Variants in UBE2G1 observed in about 807,000 individuals in gnomAD.
The protein encoded by UBE2G1 is ubiquitin conjugating enzyme E2 G1.
UBE2G1 carries 5 observed loss-of-function variants against 22.7 expected under a neutral mutation model. That is an observed-to-expected ratio of 0.22 (90% CI 0.12 to 0.46). The LOEUF (loss-of-function observed/expected upper bound fraction) is 0.46, where lower values mean the gene tolerates loss of function less well. UBE2G1 is among the 20% of genes least tolerant of loss of function. The pLI is 0.99. For missense variants in UBE2G1, 88 were observed against 203.9 expected (o/e 0.43, Z 3.46); for synonymous variants, 74 against 67.5 (o/e 1.10, Z -0.47).
chr17:4,348,426 G>A (rs905454017), intron 1 of UBE2G1, among the ~76,000 whole-genome samples: 7 of 149,012 alleles, frequency 4.7e-5, no homozygotes, highest in South Asian at 4.3e-4. Flanking sequence ...AGTGGCGGGC[G>A]CCTGTAGTCC....
intron 1 of UBE2G1, among the ~76,000 whole-genome samples, chr17:4,314,413 T>C (rs777899284): frequency 6.6e-6 from 1 of 152,194 alleles, no homozygotes; most frequent in Non-Finnish European, 1.5e-5. Flanking sequence ...TTTAAATCCA[T>C]GAGTTTATAA....
At chr17:4,289,685 A>G (rs1202464298) in intron 3 of UBE2G1, among the ~76,000 whole-genome samples, 1 of 152,234 alleles carries the variant, frequency 6.6e-6, no homozygotes, top group Admixed American at 6.5e-5. Context: ...GATGGTGCCT[A>G]ACATTTACAT....
At chr17:4,333,227 G>C (rs957656344) in intron 1 of UBE2G1, among the ~76,000 whole-genome samples, 1 of 152,172 alleles carries the variant, frequency 6.6e-6, no homozygotes, top group Non-Finnish European at 1.5e-5. Flanking sequence ...TATTGAGTAA[G>C]TTGCTGGCAT....
intron 1 of UBE2G1, among the ~76,000 whole-genome samples, chr17:4,364,769 CG>C (rs1428414328): frequency 2.0e-5 from 3 of 151,016 alleles, no homozygotes; most frequent in Non-Finnish European, 4.4e-5. Flanking sequence ...TTAGTAGTGA[CG>C]GGGGTTTCAC....
intron 4 of UBE2G1, among the ~76,000 whole-genome samples, chr17:4,287,992 A>C (rs1968987906): frequency 6.6e-6 from 1 of 152,194 alleles, no homozygotes; most frequent in Non-Finnish European, 1.5e-5. Flanking sequence ...TTAACGACAG[A>C]CTTGTACTGT....
Position 4,270,383 on chromosome 17 carries a change from A to G in UBE2G1, c.*2171T>C, listed in dbSNP as rs1445701037. The G allele has an allele frequency of 6.6e-6, 1 of 152,202 alleles. No individual in the cohort carries two copies. The highest frequency in any genetic ancestry group is 6.5e-5 in the Admixed American group (1 of 15,272). The allele number at this position is 152,202 out of a possible 1,614,324, so 9.4% of individuals were successfully genotyped here. A position where few individuals can be genotyped will look rare whatever the true frequency, so the allele number is the denominator to read the frequency against. ...TTAAAAGGGAGGGATCCCATCTCTTAAAAGAATTTTTTTGTATTAGCCAGG... is the reference window on the plus strand; with the variant it reads ...TTAAAAGGGAGGGATCCCATCTCTTGAAAGAATTTTTTTGTATTAGCCAGG... On this transcript the variant is annotated 3_prime_UTR_variant, in exon 6 of 6. Coordinates refer to ENST00000396981, the MANE Select transcript of UBE2G1 (RefSeq NM_003342.5).
At chr17:4,302,049 G>A (rs1049065551) in intron 2 of UBE2G1, 15 of 498,104 alleles carry the variant, frequency 3.0e-5, no homozygotes, top group African/African-American at 2.4e-4. Context: ...ACAAAAAAAG[G>A]GGGGGGAAGT....
intron 1 of UBE2G1, 147 bp downstream of exon 1, chr17:4,366,124 G>C (rs920263610): frequency 3.7e-6 from 3 of 800,608 alleles, no homozygotes; most frequent in African/African-American, 3.7e-5. Context: ...GGCTGGGCCC[G>C]GCCGGGACCG....
At chr17:4,356,046 C>CT (rs1345273661) in intron 1 of UBE2G1, among the ~76,000 whole-genome samples, 5 of 108,162 alleles carry the variant, frequency 4.6e-5, no homozygotes, top group East Asian at 5.6e-4. Flanking sequence ...ACTTGTTTCA[C>CT]TTTAAAAAAA....
At chr17:4,362,130 G>A (rs1969976082) in intron 1 of UBE2G1, among the ~76,000 whole-genome samples, 1 of 152,242 alleles carries the variant, frequency 6.6e-6, no homozygotes, top group African/African-American at 2.4e-5. Context: ...CTCCTGTGCT[G>A]AGGGATTTTT....
intron 1 of UBE2G1, among the ~76,000 whole-genome samples, chr17:4,354,015 TC>T (rs1025110171): frequency 2.0e-5 from 3 of 152,004 alleles, no homozygotes; most frequent in African/African-American, 7.2e-5. Context: ...TCCACAAACG[TC>T]AACCTTTCCA....
chr17:4,343,520 G>C (rs1969734106), intron 1 of UBE2G1, among the ~76,000 whole-genome samples: 1 of 152,034 alleles, frequency 6.6e-6, no homozygotes, highest in Non-Finnish European at 1.5e-5. Flanking sequence ...AAAATTTTAT[G>C]TCCAAGCCCT....
chr17:4,314,703 TAC>T (rs1381016824), intron 1 of UBE2G1, among the ~76,000 whole-genome samples: 1 of 152,208 alleles, frequency 6.6e-6, no homozygotes, highest in Non-Finnish European at 1.5e-5. Context: ...AACCAGATAT[TAC>T]AGTCTCCTGA....
intron 3 of UBE2G1, among the ~76,000 whole-genome samples, chr17:4,294,784 C>T (rs1030389168): frequency 6.6e-6 from 1 of 152,016 alleles, no homozygotes; most frequent in Non-Finnish European, 1.5e-5. Context: ...GGTGTGGTGG[C>T]GTGTCCCTGT....
chr17:4,327,231 AG>A (rs1161449468), intron 1 of UBE2G1, among the ~76,000 whole-genome samples: 1 of 152,180 alleles, frequency 6.6e-6, no homozygotes, highest in Non-Finnish European at 1.5e-5. Context: ...TGGGAGGCAG[AG>A]GTTGCAGTGA....
chr17:4,290,779 CTT>C (rs34313850), intron 3 of UBE2G1, among the ~76,000 whole-genome samples: 78,919 of 117,680 alleles, frequency 0.67, 26,676 homozygotes, highest in East Asian at 0.83. Context: ...CCATTCCTGG[CTT>C]TTTTTTTTTT....
chr17:4,325,277 G>C, intron 1 of UBE2G1, among the ~76,000 whole-genome samples: 2 of 152,066 alleles, frequency 1.3e-5, no homozygotes, highest in East Asian at 3.9e-4. Flanking sequence ...ATAAATGATG[G>C]GATTGTGGGT....
intron 1 of UBE2G1, among the ~76,000 whole-genome samples, chr17:4,348,023 C>A (rs1969799276): frequency 6.6e-6 from 1 of 152,100 alleles, no homozygotes; most frequent in African/African-American, 2.4e-5. Context: ...CCTAGAATGG[C>A]CTCTAAATGT....
intron 1 of UBE2G1, among the ~76,000 whole-genome samples, chr17:4,351,180 TG>T (rs1364965299): frequency 7.7e-6 from 1 of 130,616 alleles, no homozygotes; most frequent in East Asian, 2.3e-4. Flanking sequence ...TCACGGGGGC[TG>T]GGGGGTGGGG....
Sources: gnomAD v4.1 joint callset for allele counts (sites outside exome capture counted in the v4.1 genomes callset) on GRCh38, gnomAD v4.1.1 for gene constraint, MANE v1.5 for transcripts, NCBI Gene and HGNC (gene_info 2026-07-23, HGNC 2026-07-21) for gene names.